DNAL1: variants seen among roughly 807,000 people sequenced by gnomAD.
DNAL1 encodes the protein chromosome 14 open reading frame 168.
DNAL1 carries 17 observed loss-of-function variants against 29.4 expected under a neutral mutation model. That is an observed-to-expected ratio of 0.58 (90% CI 0.40 to 0.87). DNAL1 has a LOEUF of 0.87. Ranked by LOEUF, DNAL1 falls within the 40% of genes least tolerant of loss-of-function variation. DNAL1 has a pLI of 0.00. For synonymous variants in DNAL1, 78 were observed against 76.3 expected (o/e 1.02, Z -0.12); for missense variants, 188 against 214.1 (o/e 0.88, Z 0.76).
Position 73,700,036 on chromosome 14 carries a change from A to G in DNAL1, c.*4094A>G, listed in dbSNP as rs1040726258. 2 of 152,250 alleles carry G rather than the reference A, an allele frequency of 1.3e-5. No individual in the cohort carries two copies. Among genetic ancestry groups the G allele is most frequent in the Non-Finnish European group, 2.9e-5 (2 of 68,052 alleles). The allele number at this position is 152,250 out of a possible 1,614,324, so 9.4% of individuals were successfully genotyped here. A position where few individuals can be genotyped will look rare whatever the true frequency, so the allele number is the denominator to read the frequency against. On this transcript the variant is annotated 3_prime_UTR_variant, in exon 8 of 8. Transcript: ENST00000553645. ...GGTATGGCTACTGGATTCATTCCAC[A>G]TATGGTAGTATAAGGCACTTAAATG... is the stretch of plus-strand genomic sequence containing the variant.
At position 73,651,585 on chromosome 14, in the gene DNAL1, C is replaced by T. The variant is rs180815785; in HGVS notation, c.4-3262C>T. 2.0e-5 allele frequency among the ~76,000 whole-genome samples: 3 copies of T among 152,218 alleles called. No individual in the cohort carries two copies. The East Asian group carries it at 5.8e-4, about 29-fold the overall frequency. ...CTTGATTCTTATGACAGTTTTGACA[C>T]TTTTATGTTTTTTATAGAAATGTAT... On this transcript the variant is annotated intron_variant, in intron 1 of 7. Transcript: ENST00000553645.
intron 2 of DNAL1, among the ~76,000 whole-genome samples, chr14:73,656,549 G>T (rs1391567113): frequency 6.6e-6 from 1 of 151,534 alleles, no homozygotes; most frequent in Non-Finnish European, 1.5e-5. Context: ...CTGAGTAGCT[G>T]GGACTACAGG....
At chr14:73,649,710 A>T (rs1306519174) in intron 1 of DNAL1, among the ~76,000 whole-genome samples, 1 of 152,074 alleles carries the variant, frequency 6.6e-6, no homozygotes, top group Non-Finnish European at 1.5e-5. Flanking sequence ...ACTCACCTCC[A>T]GTGTTTTCTT....
At position 73,645,046 on chromosome 14, in the gene DNAL1, A is replaced by G. The variant is rs949154069; in HGVS notation, c.3+4A>G. 3 of 1,609,112 alleles carry G rather than the reference A, an allele frequency of 1.9e-6. No individual in the cohort carries two copies. In the African/African-American group the frequency reaches 4.0e-5, roughly 21 times the overall value. ...GACAGTAGCAACCGCCGGAATGGTG[A>G]GTACCTTTCGGGCCGCGTAGCCAAA... is the stretch of plus-strand genomic sequence containing the variant. On this transcript the variant is annotated splice_donor_region_variant and intron_variant, in intron 1 of 7. Transcript: ENST00000553645.
intron 4 of DNAL1, among the ~76,000 whole-genome samples, chr14:73,671,115 A>AT (rs1399514338): frequency 2.6e-5 from 4 of 151,830 alleles, no homozygotes; most frequent in Non-Finnish European, 5.9e-5. Flanking sequence ...TACCAAATTT[A>AT]TTTTTTTTCA....
At chr14:73,662,769 C>T (rs1891384923) in intron 4 of DNAL1, among the ~76,000 whole-genome samples, 1 of 151,860 alleles carries the variant, frequency 6.6e-6, no homozygotes, top group Non-Finnish European at 1.5e-5. Flanking sequence ...AGGATAATCT[C>T]CCTGTCTCTC....
intron 5 of DNAL1, among the ~76,000 whole-genome samples, chr14:73,684,279 C>T (rs552846992): frequency 6.6e-6 from 1 of 152,064 alleles, no homozygotes; most frequent in Non-Finnish European, 1.5e-5. Flanking sequence ...GCTATCTCTT[C>T]GACATACTGT....
intron 5 of DNAL1, among the ~76,000 whole-genome samples, chr14:73,680,620 A>G (rs756146959): frequency 1.3e-5 from 2 of 152,152 alleles, no homozygotes; most frequent in Non-Finnish European, 2.9e-5. Flanking sequence ...TAGCATATCA[A>G]TCACTCAAAC....
chr14:73,680,558 G>A (rs1040470074), intron 5 of DNAL1, among the ~76,000 whole-genome samples: 3 of 152,106 alleles, frequency 2.0e-5, no homozygotes, highest in Non-Finnish European at 4.4e-5. Flanking sequence ...GGGGTACAAT[G>A]CTATGTTTTG....
chr14:73,690,559 G>A (rs191269278), intron 7 of DNAL1, among the ~76,000 whole-genome samples: 2 of 152,140 alleles, frequency 1.3e-5, no homozygotes, highest in Admixed American at 1.3e-4. Flanking sequence ...GGCTGAGGCA[G>A]GAGAATCGCT....
chr14:73,669,657 T>C (rs1167646336), intron 4 of DNAL1, among the ~76,000 whole-genome samples: 1 of 152,190 alleles, frequency 6.6e-6, no homozygotes, highest in Non-Finnish European at 1.5e-5. Context: ...CTCGAACTTC[T>C]GGCATCAAAT....
chr14:73,674,135 T>C (rs1308254544), intron 5 of DNAL1, among the ~76,000 whole-genome samples: 1 of 152,170 alleles, frequency 6.6e-6, no homozygotes, highest in Non-Finnish European at 1.5e-5. Flanking sequence ...TTTGTATATA[T>C]GATCTGGCCT....
intron 5 of DNAL1, among the ~76,000 whole-genome samples, chr14:73,682,530 T>G (rs917970730): frequency 2.6e-5 from 4 of 151,828 alleles, no homozygotes; most frequent in Non-Finnish European, 5.9e-5. Context: ...TTTTTTAACT[T>G]TTTGACTTTT....
chr14:73,659,019 C>T, intron 3 of DNAL1, 63 bp downstream of exon 3: 1 of 1,146,880 alleles, frequency 8.7e-7, no homozygotes, highest in Non-Finnish European at 1.2e-6. Context: ...CTTAAACACA[C>T]AAAGTAGGAA....
chr14:73,653,983 T>C (rs1375856924), intron 1 of DNAL1, among the ~76,000 whole-genome samples: 1 of 152,210 alleles, frequency 6.6e-6, no homozygotes, highest in African/African-American at 2.4e-5. Flanking sequence ...ATTTTGTACT[T>C]ATTGATAGAG....
At position 73,685,460 on chromosome 14, in the gene DNAL1, ATTT is replaced by A. The variant is rs200537222; in HGVS notation, c.265-1784_265-1782del. Among the ~76,000 whole-genome samples the A allele has an allele frequency of 3.6e-5, 5 of 139,588 alleles. No individual in the cohort carries two copies. In the East Asian group the frequency reaches 6.3e-4, roughly 18 times the overall value. The allele number at this position is 139,588 out of a possible 152,430, so 91.6% of individuals were successfully genotyped here. ...TGTGTCAGAATTTCCTTTCTGCTTA[ATTT>A]TTTTTTTTTTTTTTGAGACTGAGTC... On this transcript the variant is annotated intron_variant, in intron 5 of 7. Coordinates refer to ENST00000553645, the MANE Select transcript of DNAL1 (RefSeq NM_031427.4).
At chr14:73,665,501 T>G (rs1025634812) in intron 4 of DNAL1, among the ~76,000 whole-genome samples, 9 of 152,044 alleles carry the variant, frequency 5.9e-5, no homozygotes, top group Non-Finnish European at 5.9e-5. Context: ...TATAAAAACA[T>G]GACTATGGGC....
At chr14:73,681,882 G>T (rs976342762) in intron 5 of DNAL1, among the ~76,000 whole-genome samples, 1 of 151,620 alleles carries the variant, frequency 6.6e-6, no homozygotes, top group Non-Finnish European at 1.5e-5. Context: ...GGAGACTGAC[G>T]CAGGTGGATC....
At chr14:73,691,672 A>G (rs999554052) in intron 7 of DNAL1, among the ~76,000 whole-genome samples, 5 of 152,126 alleles carry the variant, frequency 3.3e-5, no homozygotes, top group African/African-American at 4.8e-5. Flanking sequence ...CCCCAATTCA[A>G]TTCAGCTGGG....
Sources: gnomAD v4.1 joint callset for allele counts (sites outside exome capture counted in the v4.1 genomes callset) on GRCh38, gnomAD v4.1.1 for gene constraint, MANE v1.5 for transcripts, NCBI Gene and HGNC (gene_info 2026-07-23, HGNC 2026-07-21) for gene names.